FDFT1: variants seen among roughly 807,000 people sequenced by gnomAD.
FDFT1 encodes the protein farnesyl-diphosphate farnesyltransferase 1.
Under a neutral mutation model 46.8 loss-of-function variants are expected in FDFT1, and 68 were observed. The observed-to-expected ratio is 1.45, with a 90% CI of 1.19 to 1.78. FDFT1 has a LOEUF of 1.78. FDFT1 is among the 40% of genes most tolerant of loss of function. The pLI is 0.00. For synonymous variants in FDFT1, 351 were observed against 185.1 expected (o/e 1.90, Z -7.28); for missense variants, 928 against 524.4 (o/e 1.77, Z -7.52).
In FDFT1 at chr8:11,826,052, G is replaced by A. The variant is rs1809932942; in HGVS notation, c.539G>A (p.Gly180Glu). ...TGCCACTATGTTGCTGGGCTGGTCG[G>A]AATTGGCCTTTCCCGTCTTTTCTCA... ...KYCHYVAGLVGIGLSRLFSAS... is the reference protein window; with the variant it reads ...KYCHYVAGLVEIGLSRLFSAS... Residue 180 changes from glycine to glutamate, a missense_variant, in exon 5 of 8, where the codon GGA becomes GAA. Transcript: ENST00000220584. 1.2e-6 allele frequency: 2 copies of A among 1,602,492 alleles called. No homozygotes were observed.
intron 3 of FDFT1, among the ~76,000 whole-genome samples, chr8:11,810,813 G>A (rs1376947354): frequency 6.6e-6 from 1 of 151,710 alleles, no homozygotes. Flanking sequence ...TTGGAGAACA[G>A]TCCTTATGTT....
exon 1 of FDFT1, chr8:11,795,951 G>C (rs1805516939): frequency 6.6e-6 from 1 of 152,322 alleles, no homozygotes; most frequent in African/African-American, 2.4e-5. Context: ...TTTCATTCCT[G>C]AAGTCAGTGA....
chr8:11,825,247 T>C (rs1809800255), intron 4 of FDFT1, among the ~76,000 whole-genome samples: 1 of 152,230 alleles, frequency 6.6e-6, no homozygotes, highest in Non-Finnish European at 1.5e-5. Flanking sequence ...TCAAAAAGTT[T>C]ATTGTAAAGC....
upstream of FDFT1, chr8:11,802,199 G>A (rs192776758): frequency 5.0e-3 from 2,154 of 427,742 alleles, 12 homozygotes; most frequent in Non-Finnish European, 8.3e-3. Context: ...GGCTGTGCTC[G>A]GGTGTGTTAC....
intron 1 of FDFT1, among the ~76,000 whole-genome samples, chr8:11,797,154 G>A: frequency 6.6e-6 from 1 of 152,214 alleles, no homozygotes; most frequent in Admixed American, 6.5e-5. Flanking sequence ...AAGGACGGCT[G>A]CTTCGGCCCC....
In FDFT1 at chr8:11,802,856, C is replaced by T. The variant is rs554286235; in HGVS notation, c.24C>T (p.Gly8=). The change falls in exon 1 of 8, where the codon GGC becomes GGT. Residue 8 remains glycine, a synonymous_variant. Coordinates refer to ENST00000220584, the MANE Select transcript of FDFT1 (RefSeq NM_004462.5). Reference sequence around the variant, plus strand: ...GGATGGAGTTCGTGAAATGCCTTGGCCACCCCGAAGAGTTCTACAACCTGG... The same window carrying T: ...GGATGGAGTTCGTGAAATGCCTTGGTCACCCCGAAGAGTTCTACAACCTGG... MEFVKCL[G]HPEEFYNLVR... The T allele has an allele frequency of 6.2e-6, 10 of 1,611,404 alleles. No homozygotes were observed. The highest frequency in any genetic ancestry group is 8.5e-6 in the Non-Finnish European group (10 of 1,178,720).
At chr8:11,803,916 A>C (rs1395598307) in intron 1 of FDFT1, 1 of 152,276 alleles carries the variant, frequency 6.6e-6, no homozygotes, top group African/African-American at 2.4e-5. Flanking sequence ...TAGAACATTC[A>C]GTTTTCTTCA....
rs753114129 is a variant in FDFT1, at chr8:11,839,071, T to A, written c.*462T>A. 4.3e-5 allele frequency: 7 copies of A among 162,966 alleles called. No individual in the cohort carries two copies. Among genetic ancestry groups the A allele is most frequent in the Admixed American group, 2.3e-4 (4 of 17,242 alleles). 10.1% of individuals were successfully genotyped at this position (162,966 alleles called of 1,614,324 possible). ...CTTTAATTGGGTTGAATGGAGTAGA[T>A]AGAAATATTTATGGTTTAGGTAACA... On this transcript the variant is annotated 3_prime_UTR_variant, in exon 8 of 8. Coordinates refer to ENST00000220584, the MANE Select transcript of FDFT1 (RefSeq NM_004462.5).
At chr8:11,824,762 G>C (rs971298991) in intron 4 of FDFT1, among the ~76,000 whole-genome samples, 2 of 152,052 alleles carry the variant, frequency 1.3e-5, no homozygotes, top group Non-Finnish European at 2.9e-5. Context: ...TTGAGACGGA[G>C]TCTCACTCTG....
chr8:11,838,470 C>G lies in FDFT1; in HGVS notation c.1115C>G (p.Pro372Arg). The part of the protein sequence containing the change: ...IISTIRTQNL[P>R]NCQLISRSHY... ...TCCACCATCCGGACGCAGAATCTTC[C>G]CAACTGTCAGCTGATTTCCCGAAGC... The change falls in exon 8 of 8, where the codon CCC becomes CGC. Residue 372 changes from proline (P) to arginine (R), a missense_variant. By Grantham distance (103) the Pro-to-Arg change is moderately radical (BLOSUM62 -2). Coordinates refer to ENST00000220584, the MANE Select transcript of FDFT1 (RefSeq NM_004462.5). The G allele has an allele frequency of 1.2e-6, 2 of 1,606,684 alleles. No homozygotes were observed. The highest frequency in any genetic ancestry group is 1.7e-6 in the Non-Finnish European group (2 of 1,175,684).
intron 4 of FDFT1, among the ~76,000 whole-genome samples, chr8:11,823,957 G>T (rs955930766): frequency 1.3e-5 from 2 of 151,994 alleles, no homozygotes; most frequent in Non-Finnish European, 2.9e-5. Flanking sequence ...TGTTGCCTAG[G>T]CTGGTCTTGA....
At chr8:11,807,325 A>T (rs1176785981) in intron 1 of FDFT1, among the ~76,000 whole-genome samples, 1 of 151,682 alleles carries the variant, frequency 6.6e-6, no homozygotes, top group Non-Finnish European at 1.5e-5. Context: ...TTTTTAAAAA[A>T]TTTTTTAAAA....
At chr8:11,806,333 T>C (rs569730680) in intron 1 of FDFT1, among the ~76,000 whole-genome samples, 3 of 152,248 alleles carry the variant, frequency 2.0e-5, no homozygotes, top group Non-Finnish European at 2.9e-5. Flanking sequence ...AATCAAGCAG[T>C]AGAAATTTTT....
intron 3 of FDFT1, among the ~76,000 whole-genome samples, chr8:11,820,787 G>T (rs954882924): frequency 6.6e-6 from 1 of 152,200 alleles, no homozygotes; most frequent in Admixed American, 6.5e-5. Context: ...CCTTTCCTTG[G>T]CTAGGAAAGG....
intron 3 of FDFT1, among the ~76,000 whole-genome samples, chr8:11,818,335 C>T (rs1287918561): frequency 6.6e-6 from 1 of 152,166 alleles, no homozygotes; most frequent in East Asian, 1.9e-4. Flanking sequence ...AATGTATATT[C>T]TGTTGATTTG....
At chr8:11,803,029 C>G (rs1021924632) in intron 1 of FDFT1, 98 bp downstream of exon 1, 175 of 1,500,340 alleles carry the variant, frequency 1.2e-4, no homozygotes, top group Non-Finnish European at 1.5e-4. Flanking sequence ...GCAAGGGGCG[C>G]GGCGAGCAGG....
intron 1 of FDFT1, chr8:11,803,543 T>G (rs2130669354): frequency 1.8e-5 from 20 of 1,140,890 alleles, no homozygotes; most frequent in Non-Finnish European, 2.2e-5. Context: ...TTACTTAGAT[T>G]TTTATCTGCC....
chr8:11,821,564 C>T (rs992563764), intron 3 of FDFT1, among the ~76,000 whole-genome samples, 186 bp from the exon 4 acceptor site: 4 of 152,178 alleles, frequency 2.6e-5, no homozygotes, highest in Admixed American at 2.0e-4. Context: ...GCACTCCAGC[C>T]TGGGCAACAT....
intron 4 of FDFT1, among the ~76,000 whole-genome samples, chr8:11,824,753 T>C (rs1563327377): frequency 6.6e-6 from 1 of 152,102 alleles, no homozygotes; most frequent in Non-Finnish European, 1.5e-5. Context: ...GTTGTTGTTT[T>C]GAGACGGAGT....
Sources: gnomAD v4.1 joint callset for allele counts (sites outside exome capture counted in the v4.1 genomes callset) on GRCh38, gnomAD v4.1.1 for gene constraint, MANE v1.5 for transcripts, NCBI Gene and HGNC (gene_info 2026-07-23, HGNC 2026-07-21) for gene names.